The following PRDM5 variants were observed in gnomAD, a reference collection of about 807,000 sequenced individuals.
PRDM5 encodes the protein PR domain zinc finger protein 5.
Under a neutral mutation model 81.2 loss-of-function variants are expected in PRDM5, and 56 were observed. The observed-to-expected ratio is 0.69, with a 90% CI of 0.56 to 0.86. The LOEUF (loss-of-function observed/expected upper bound fraction) is 0.86, where lower values mean the gene tolerates loss of function less well. PRDM5 is among the 40% of genes least tolerant of loss of function. The pLI is 0.00. For missense variants in PRDM5, 697 were observed against 770.1 expected, an observed-to-expected ratio of 0.91 and a Z score of 1.12; for synonymous variants, 267 against 256.4, an observed-to-expected ratio of 1.04 and a Z score of -0.39.
downstream of PRDM5, among the ~76,000 whole-genome samples, chr4:120,688,590 CTAGTTT>C (rs1217735719): frequency 3.3e-5 from 5 of 151,996 alleles, no homozygotes; most frequent in Admixed American, 6.6e-5. Flanking sequence ...ATATTTCTTT[CTAGTTT>C]TAAAGTTTTG....
At chr4:120,745,862 G>A (rs1309490425) in intron 14 of PRDM5, among the ~76,000 whole-genome samples, 6 of 147,882 alleles carry the variant, frequency 4.1e-5, no homozygotes, top group Admixed American at 1.3e-4. Context: ...ACTGCCCAAG[G>A]TAATTTACAG....
chr4:120,848,845 C>A (rs932951585), intron 3 of PRDM5, among the ~76,000 whole-genome samples: 5 of 152,040 alleles, frequency 3.3e-5, no homozygotes, highest in African/African-American at 1.2e-4. Flanking sequence ...TAAAATGTTA[C>A]CCTAATAAAA....
chr4:120,844,799 T>G (rs1026073702), intron 3 of PRDM5, among the ~76,000 whole-genome samples: 4 of 152,350 alleles, frequency 2.6e-5, no homozygotes, highest in Admixed American at 6.5e-5. Context: ...TGTCAAAAGC[T>G]GAGACAGGCT....
intron 14 of PRDM5, among the ~76,000 whole-genome samples, chr4:120,716,585 C>A (rs1158028318): frequency 6.6e-6 from 1 of 152,118 alleles, no homozygotes; most frequent in Non-Finnish European, 1.5e-5. Context: ...TCTTCTTCAT[C>A]CCAGATCTTA....
chr4:120,894,098 T>G (rs1468035667), intron 2 of PRDM5, among the ~76,000 whole-genome samples: 3 of 152,196 alleles, frequency 2.0e-5, no homozygotes, highest in African/African-American at 7.2e-5. Flanking sequence ...GTCTTTCTCC[T>G]CATTCCTTGC....
In PRDM5 at chr4:120,702,423, G is replaced by A. The variant is rs142070391; in HGVS notation, c.1729-7148C>T. ...GGAAGCCCACGTGACACATCTGCCA[G>A]GTGATGGTTGGTCTCTGTTAAATGC... On this transcript the variant is annotated intron_variant, in intron 15 of 15. Transcript: ENST00000264808. 4.6e-4 allele frequency among the ~76,000 whole-genome samples: 70 copies of A among 152,254 alleles called. 2 individuals are homozygous for A. The East Asian group carries it at 0.013, about 29-fold the overall frequency.
At chr4:120,699,997 A>C (rs113513548) in intron 15 of PRDM5, among the ~76,000 whole-genome samples, 3 of 146,978 alleles carry the variant, frequency 2.0e-5, no homozygotes, top group African/African-American at 7.3e-5. Context: ...AAGCAATCCT[A>C]AGCAAAAAGA....
At chr4:120,890,558 T>G (rs1763933440) in intron 2 of PRDM5, among the ~76,000 whole-genome samples, 1 of 152,264 alleles carries the variant, frequency 6.6e-6, no homozygotes, top group Non-Finnish European at 1.5e-5. Context: ...GTTTCCACAA[T>G]GGCTGAACTT....
At chr4:120,748,965 C>T (rs1743569038) in intron 14 of PRDM5, among the ~76,000 whole-genome samples, 1 of 152,098 alleles carries the variant, frequency 6.6e-6, no homozygotes, top group Non-Finnish European at 1.5e-5. Flanking sequence ...ATAAGAAGTT[C>T]CACTTTTATC....
intron 2 of PRDM5, among the ~76,000 whole-genome samples, chr4:120,859,169 G>A (rs1760265372): frequency 6.6e-6 from 1 of 151,350 alleles, no homozygotes; most frequent in South Asian, 2.1e-4. Flanking sequence ...TAAACATTCT[G>A]CTTTCAATGG....
At chr4:120,812,234 G>C (rs1753944196) in intron 7 of PRDM5, among the ~76,000 whole-genome samples, 1 of 152,130 alleles carries the variant, frequency 6.6e-6, no homozygotes, top group South Asian at 2.1e-4. Context: ...TGTGAATAGT[G>C]CTGCAATAAA....
chr4:120,712,813 C>T (rs1737202401), intron 14 of PRDM5, among the ~76,000 whole-genome samples: 1 of 152,172 alleles, frequency 6.6e-6, no homozygotes, highest in East Asian at 1.9e-4. Context: ...GGGCATATGA[C>T]ATTAAATAGC....
At chr4:120,868,004 T>C (rs181716342) in intron 2 of PRDM5, among the ~76,000 whole-genome samples, 2 of 152,336 alleles carry the variant, frequency 1.3e-5, no homozygotes, top group African/African-American at 4.8e-5. Context: ...AATATGGGTA[T>C]TATGCTGTTC....
At chr4:120,828,521 T>G (rs1450462) in intron 3 of PRDM5, among the ~76,000 whole-genome samples, 38,328 of 152,036 alleles carry the variant, frequency 0.25, 5,604 homozygotes, top group East Asian at 0.35. Context: ...GAATTAGTTA[T>G]CAAATTATGC....
At chr4:120,921,668 G>C (rs1724937050) in intron 1 of PRDM5, among the ~76,000 whole-genome samples, 1 of 152,176 alleles carries the variant, frequency 6.6e-6, no homozygotes, top group Non-Finnish European at 1.5e-5. Flanking sequence ...GGACGGCTAG[G>C]ACGACTCTAA....
chr4:120,721,299 C>G (rs1211104782), intron 14 of PRDM5, among the ~76,000 whole-genome samples: 1 of 152,098 alleles, frequency 6.6e-6, no homozygotes, highest in Non-Finnish European at 1.5e-5. Context: ...ACATTTAAAC[C>G]ACCTAGGGAT....
chr4:120,853,870 T>A (rs1759569633), intron 2 of PRDM5, among the ~76,000 whole-genome samples: 1 of 152,188 alleles, frequency 6.6e-6, no homozygotes, highest in South Asian at 2.1e-4. Context: ...AGAATAATCA[T>A]TATTGCAACC....
chr4:120,920,705 T>C (rs1724801803), intron 1 of PRDM5, among the ~76,000 whole-genome samples: 1 of 152,220 alleles, frequency 6.6e-6, no homozygotes. Flanking sequence ...TAAACATCGA[T>C]AATAGTTTGG....
chr4:120,852,382 T>C (rs1022318639), intron 3 of PRDM5, among the ~76,000 whole-genome samples: 2 of 152,148 alleles, frequency 1.3e-5, no homozygotes, highest in Non-Finnish European at 2.9e-5. Context: ...GAATAAAGTA[T>C]ATTGCCCTCC....
Sources: gnomAD v4.1 joint callset for allele counts (sites outside exome capture counted in the v4.1 genomes callset) on GRCh38, gnomAD v4.1.1 for gene constraint, MANE v1.5 for transcripts, NCBI Gene and HGNC (gene_info 2026-07-23, HGNC 2026-07-21) for gene names.